The following SEPTIN2 variants were observed in gnomAD, a reference collection of about 807,000 sequenced individuals.
SEPTIN2 encodes the protein septin 2.
A neutral mutation model predicts 46.5 loss-of-function variants in SEPTIN2; 34 were observed. The ratio of observed to expected loss-of-function variants is 0.73; its 90% confidence interval spans 0.56 to 0.97. SEPTIN2 has a LOEUF of 0.97. Ranked by LOEUF, SEPTIN2 falls within the 50% of genes least tolerant of loss-of-function variation. SEPTIN2 has a pLI of 0.00. For synonymous variants in SEPTIN2, 175 were observed against 153.4 expected (o/e 1.14, Z -1.04); for missense variants, 347 against 448.4 (o/e 0.77, Z 2.04).
At chr2:241,338,865 T>A (rs2080741668) in intron 7 of SEPTIN2, among the ~76,000 whole-genome samples, 1 of 40,276 alleles carries the variant, frequency 2.5e-5, no homozygotes, top group Non-Finnish European at 4.7e-5. Context: ...TATAAAAATA[T>A]ATATATTTAA....
chr2:241,338,908 A>G (rs1275064376), intron 7 of SEPTIN2, among the ~76,000 whole-genome samples: 1 of 80,402 alleles, frequency 1.2e-5, no homozygotes, highest in South Asian at 2.7e-4. Context: ...TATATTATAT[A>G]TAATATATAT....
intron 12 of SEPTIN2, 47 bp from the exon 13 acceptor site, chr2:241,351,920 A>C (rs2060826869): frequency 6.6e-6 from 1 of 152,598 alleles, no homozygotes; most frequent in Non-Finnish European, 1.5e-5. Flanking sequence ...AACGCAGCAG[A>C]CATTGCCTCA....
intron 1 of SEPTIN2, among the ~76,000 whole-genome samples, chr2:241,322,545 T>A (rs1342685504): frequency 6.6e-6 from 1 of 150,650 alleles, no homozygotes; most frequent in Non-Finnish European, 1.5e-5. Flanking sequence ...AGGTGGAGGT[T>A]GCAGTGAGCT....
At chr2:241,347,512 G>A (rs992541794) in intron 10 of SEPTIN2, among the ~76,000 whole-genome samples, 4 of 152,226 alleles carry the variant, frequency 2.6e-5, no homozygotes, top group African/African-American at 7.2e-5. Context: ...GTTCACTCAC[G>A]CAGATCCTGC....
intron 1 of SEPTIN2, among the ~76,000 whole-genome samples, chr2:241,323,104 A>G (rs951018564): frequency 6.6e-6 from 1 of 151,944 alleles, no homozygotes; most frequent in Non-Finnish European, 1.5e-5. Context: ...TTTGGCTTCA[A>G]GCAGTCCTGC....
chr2:241,316,818 T>G, intron 1 of SEPTIN2: 49 of 313,160 alleles, frequency 1.6e-4, no homozygotes, highest in East Asian at 2.1e-4. Flanking sequence ...CCTTTGGCCA[T>G]TGCCCAAACT....
At chr2:241,320,724 GGTT>G (rs1192371465) in intron 1 of SEPTIN2, among the ~76,000 whole-genome samples, 2 of 152,136 alleles carry the variant, frequency 1.3e-5, no homozygotes, top group Non-Finnish European at 2.9e-5. Flanking sequence ...AGGAGGCAGA[GGTT>G]GTAGTGAGCT....
At chr2:241,344,509 C>T (rs2081718316) in intron 9 of SEPTIN2, among the ~76,000 whole-genome samples, 1 of 151,906 alleles carries the variant, frequency 6.6e-6, no homozygotes, top group African/African-American at 2.4e-5. Flanking sequence ...CCAGCCTGAC[C>T]AACATGGTGA....
At chr2:241,338,661 A>T (rs1256466441) in intron 7 of SEPTIN2, among the ~76,000 whole-genome samples, 1 of 128,862 alleles carries the variant, frequency 7.8e-6, no homozygotes, top group Non-Finnish European at 1.6e-5. Flanking sequence ...CATATATATT[A>T]TATCTATATT....
chr2:241,337,557 G>A (rs752495668), intron 6 of SEPTIN2, 41 bp downstream of exon 6: 1 of 1,604,720 alleles, frequency 6.2e-7, no homozygotes, highest in African/African-American at 1.3e-5. Context: ...TTACTACATG[G>A]GTTTGTAAGT....
intron 9 of SEPTIN2, among the ~76,000 whole-genome samples, chr2:241,344,902 G>T (rs372527046): frequency 2.6e-5 from 4 of 151,648 alleles, no homozygotes; most frequent in African/African-American, 9.7e-5. Context: ...CAGCCTGGCC[G>T]ACATGGTGAA....
intron 9 of SEPTIN2, among the ~76,000 whole-genome samples, chr2:241,345,867 A>G (rs1303952660): frequency 6.6e-6 from 1 of 152,208 alleles, no homozygotes; most frequent in Non-Finnish European, 1.5e-5. Context: ...TCTGTCTGCC[A>G]TCCTGTGGTA....
intron 1 of SEPTIN2, chr2:241,316,205 C>T: frequency 3.2e-6 from 1 of 316,810 alleles, no homozygotes; most frequent in East Asian, 5.0e-5. Context: ...GGCTCCGACA[C>T]GGGCAGGCCC....
chr2:241,332,813 G>A (rs932829973), intron 3 of SEPTIN2, among the ~76,000 whole-genome samples: 7 of 152,262 alleles, frequency 4.6e-5, no homozygotes, highest in African/African-American at 1.7e-4. Context: ...ACTCGTAGAT[G>A]CAACAACATG....
At chr2:241,333,791 C>T (rs2079432222) in intron 3 of SEPTIN2, among the ~76,000 whole-genome samples, 2 of 152,246 alleles carry the variant, frequency 1.3e-5, no homozygotes, top group Non-Finnish European at 2.9e-5. Flanking sequence ...GCGTGGGCCA[C>T]CGCGCCCGGC....
In SEPTIN2 at chr2:241,352,680, G is replaced by GA. The variant is rs2060874084; in HGVS notation, c.*743_*744insA. On this transcript the variant is annotated 3_prime_UTR_variant, in exon 13 of 13. Transcript: ENST00000391971. Reference sequence around the variant, plus strand: ...AACTCACCACAAGCCACCTTTTGTAGTGTTCTCCACTAATACTGGTTATCC... The same window carrying GA: ...AACTCACCACAAGCCACCTTTTGTAGATGTTCTCCACTAATACTGGTTATCC... The GA allele has an allele frequency of 6.6e-6, 1 of 152,148 alleles. No individual in the cohort carries two copies. The highest frequency in any genetic ancestry group is 2.1e-4 in the South Asian group (1 of 4,828). 9.4% of individuals were successfully genotyped at this position (152,148 alleles called of 1,614,324 possible). A position where few individuals can be genotyped will look rare whatever the true frequency, so the allele number is the denominator to read the frequency against.
intron 1 of SEPTIN2, among the ~76,000 whole-genome samples, chr2:241,322,933 A>G (rs141923661): frequency 1.8e-4 from 28 of 152,324 alleles, no homozygotes; most frequent in African/African-American, 6.3e-4. Flanking sequence ...AGTGTCTAAC[A>G]TATAGTCAGT....
chr2:241,323,252 C>A (rs2077417297), intron 1 of SEPTIN2, among the ~76,000 whole-genome samples: 1 of 151,830 alleles, frequency 6.6e-6, no homozygotes, highest in Non-Finnish European at 1.5e-5. Context: ...CTCACTGCAA[C>A]CTCCGCCTCC....
intron 2 of SEPTIN2, chr2:241,325,175 A>G (rs969384708): frequency 5.3e-5 from 8 of 152,212 alleles, no homozygotes; most frequent in Non-Finnish European, 4.4e-5. Flanking sequence ...TACATTTACA[A>G]AATGTAATCC....
Sources: allele counts gnomAD v4.1 joint callset (sites outside exome capture counted in the v4.1 genomes callset), GRCh38; gene constraint gnomAD v4.1.1; transcripts MANE v1.5; gene names NCBI Gene and HGNC (gene_info 2026-07-23, HGNC 2026-07-21).